Variants in WDR27 observed in about 807,000 individuals in gnomAD.
WDR27 encodes WD repeat domain 27.
WDR27 carries 100 observed loss-of-function variants against 114.4 expected under a neutral mutation model. The ratio of observed to expected loss-of-function variants is 0.87; its 90% confidence interval spans 0.74 to 1.03. WDR27 has a LOEUF of 1.03. Among genes scored for constraint, WDR27 ranks in the 50% least tolerant of loss-of-function variants. The probability of loss-of-function intolerance (pLI) is 0.00; values close to 1 mark genes in which losing one functional copy is unlikely to be tolerated. For missense variants in WDR27, 1,129 were observed against 1,092.9 expected (o/e 1.03, Z -0.47); for synonymous variants, 449 against 423.1 (o/e 1.06, Z -0.75).
At chr6:169,686,563 G>A (rs912691695) in intron 2 of WDR27, among the ~76,000 whole-genome samples, 3 of 152,064 alleles carry the variant, frequency 2.0e-5, no homozygotes, top group African/African-American at 4.8e-5. Context: ...GTGAAGGGAT[G>A]GAAAAATATA....
chr6:169,658,240 C>T, intron 13 of WDR27, 36 bp downstream of exon 13: 1 of 1,533,770 alleles, frequency 6.5e-7, no homozygotes, highest in Non-Finnish European at 8.9e-7. Context: ...ACGCATCAGC[C>T]TTGTATTCTT....
intron 25 of WDR27, among the ~76,000 whole-genome samples, chr6:169,539,787 C>T (rs1440259106): frequency 1.3e-5 from 2 of 152,144 alleles, no homozygotes; most frequent in Non-Finnish European, 2.9e-5. Flanking sequence ...AGAGAGGTTA[C>T]CTCAGCCACA....
At chr6:169,433,863 ATGTT>A in the WDR27 span, among the ~76,000 whole-genome samples, 2 of 152,128 alleles carry the variant, frequency 1.3e-5, no homozygotes, top group African/African-American at 4.8e-5. Context: ...TTTTGTTCAT[ATGTT>A]TGTTGGCCAC....
At chr6:169,446,626 G>C in the WDR27 span, among the ~76,000 whole-genome samples, 1 of 152,180 alleles carries the variant, frequency 6.6e-6, no homozygotes, top group Non-Finnish European at 1.5e-5. Flanking sequence ...CAGGAGGAAA[G>C]ATCTTAAAAG....
At chr6:169,546,782 C>T (rs1357322236) in intron 25 of WDR27, among the ~76,000 whole-genome samples, 1 of 152,140 alleles carries the variant, frequency 6.6e-6, no homozygotes, top group East Asian at 1.9e-4. Flanking sequence ...GCTGTCTGGC[C>T]ATGTTTCTAA....
At chr6:169,533,465 T>G (rs912827276) in intron 25 of WDR27, among the ~76,000 whole-genome samples, 3 of 152,152 alleles carry the variant, frequency 2.0e-5, no homozygotes, top group African/African-American at 7.2e-5. Context: ...CTGAGAAAGA[T>G]CCATCAGAAA....
Position 169,670,656 on chromosome 6 carries a change from C to A in WDR27, c.369G>T (p.Leu123Phe), listed in dbSNP as rs1778474345. Residue 123 changes from leucine to phenylalanine, a missense_variant, in exon 4 of 26, where the codon TTG (leucine) becomes TTT (phenylalanine). Physicochemically the swap from Leu to Phe is conservative, Grantham distance 22. Transcript: ENST00000448612. Reference protein sequence around the residue: ...VPRGTVMGSLLGKVLCLQLSL... With the variant: ...VPRGTVMGSLFGKVLCLQLSL... ...TCAACTGTAAACACAGCACCTTTCC[C>A]AAAAGCGAGCCCATGACAGTCCCTC... 1 of 1,613,832 alleles carries A rather than the reference C, an allele frequency of 6.2e-7. No individual in the cohort carries two copies. The highest frequency in any genetic ancestry group is 8.5e-7 in the Non-Finnish European group (1 of 1,179,888).
intron 22 of WDR27, among the ~76,000 whole-genome samples, chr6:169,611,902 A>G (rs1810624453): frequency 6.6e-6 from 1 of 152,110 alleles, no homozygotes; most frequent in Non-Finnish European, 1.5e-5. Flanking sequence ...TGGGAGGCTG[A>G]GGCGGGTGGA....
At chr6:169,482,066 G>A (rs558910526) in intron 25 of WDR27, among the ~76,000 whole-genome samples, 2 of 152,328 alleles carry the variant, frequency 1.3e-5, no homozygotes, top group East Asian at 3.9e-4. Flanking sequence ...TTCTGTTCCT[G>A]CATCAGTTTG....
chr6:169,570,996 TCACC>T, intron 25 of WDR27, among the ~76,000 whole-genome samples: 1 of 152,290 alleles, frequency 6.6e-6, no homozygotes, highest in African/African-American at 2.4e-5. Context: ...TATACAAGCA[TCACC>T]ACAGAGCAGA....
At chr6:169,529,323 G>C (rs1007798936) in intron 25 of WDR27, among the ~76,000 whole-genome samples, 8 of 129,990 alleles carry the variant, frequency 6.2e-5, no homozygotes, top group Non-Finnish European at 1.3e-4. Flanking sequence ...GGGGGGGGGG[G>C]GCAGCTAATG....
intron 25 of WDR27, among the ~76,000 whole-genome samples, chr6:169,474,486 CATTGATG>C (rs1246727332): frequency 1.3e-5 from 2 of 152,064 alleles, no homozygotes; most frequent in African/African-American, 4.8e-5. Context: ...CAAGTGAAGT[CATTGATG>C]ATAAACATTT....
intron 25 of WDR27, among the ~76,000 whole-genome samples, chr6:169,531,145 T>C (rs1344511807): frequency 6.6e-6 from 1 of 152,260 alleles, no homozygotes; most frequent in Non-Finnish European, 1.5e-5. Flanking sequence ...GATATATGGA[T>C]TACATTTTGT....
the WDR27 span, among the ~76,000 whole-genome samples, chr6:169,434,617 GC>G: frequency 6.6e-6 from 1 of 151,912 alleles, no homozygotes; most frequent in Admixed American, 6.6e-5. Context: ...GTGGCATTTT[GC>G]CCCTGCCCTA....
chr6:169,455,059 G>A (rs927777711), downstream of WDR27, among the ~76,000 whole-genome samples: 6 of 152,186 alleles, frequency 3.9e-5, no homozygotes, highest in African/African-American at 1.2e-4. Flanking sequence ...AGACCTGAGC[G>A]CCCTGGCCTG....
chr6:169,475,498 T>C lies in WDR27; in HGVS notation c.2646-17864A>G, dbSNP rs184157890. On this transcript the variant is annotated intron_variant, in intron 25 of 25. Transcript: ENST00000448612. ...TCAGCCTCCCAACGTGCCAGGATTA[T>C]AGGTATGAGCCACTGCATCTGGCCT... 7.9e-5 allele frequency among the ~76,000 whole-genome samples: 12 copies of C among 152,350 alleles called. No individual in the cohort carries two copies. In the East Asian group the frequency reaches 2.3e-3, roughly 29 times the overall value.
intron 19 of WDR27, 27 bp downstream of exon 19, chr6:169,636,344 A>T: frequency 6.2e-7 from 1 of 1,603,514 alleles, no homozygotes; most frequent in Non-Finnish European, 8.5e-7. Context: ...TGATCTAAAA[A>T]TAATGCACAG....
At position 169,649,198 on chromosome 6, in the gene WDR27, C is replaced by T. The variant is rs779324153; in HGVS notation, c.1559G>A (p.Arg520Gln). Reference sequence around the variant, plus strand: ...TTGGAATGCACGCTACATCACACACCGTGCGCAGCTGCTCCTGCTCCTTGA... The same window carrying T: ...TTGGAATGCACGCTACATCACACACTGTGCGCAGCTGCTCCTGCTCCTTGA... ...GSSRSRSSCAREAYPVECAVP... is the reference protein window; with the variant it reads ...GSSRSRSSCAQEAYPVECAVP... The change falls in exon 15 of 26, where the codon CGG becomes CAG. Residue 520 changes from arginine (R) to glutamine (Q), a missense_variant and splice_region_variant. Coordinates refer to ENST00000448612, the MANE Select transcript of WDR27 (RefSeq NM_182552.5). 92 of 1,567,738 alleles carry T rather than the reference C, an allele frequency of 5.9e-5. No individual in the cohort carries two copies. The Admixed American group carries it at 1.5e-3, about 26-fold the overall frequency.
rs1004859519 is a variant in WDR27, at chr6:169,551,756, GA to G, written c.2645+20662del. Among the ~76,000 whole-genome samples the G allele has an allele frequency of 7.5e-3, 314 of 42,010 alleles. 2 individuals carry two copies. The highest frequency in any genetic ancestry group is 0.02 in the East Asian group (19 of 950). 27.6% of individuals were successfully genotyped at this position (42,010 alleles called of 152,430 possible). A position where few individuals can be genotyped will look rare whatever the true frequency, so the allele number is the denominator to read the frequency against. On this transcript the variant is annotated intron_variant, in intron 25 of 25. Transcript: ENST00000448612. The stretch of plus-strand genomic sequence containing the variant: ...CCATCTCAAAAAAAAAAAAAAAAAA[GA>G]AAAAGAAAAGAAAAGAAAAAACGTG...
Sources: gnomAD v4.1 joint callset for allele counts (sites outside exome capture counted in the v4.1 genomes callset) on GRCh38, gnomAD v4.1.1 for gene constraint, MANE v1.5 for transcripts, NCBI Gene and HGNC (gene_info 2026-07-23, HGNC 2026-07-21) for gene names.